The following DMD variants were observed in gnomAD, a reference collection of about 807,000 sequenced individuals.
The protein encoded by DMD is dystrophin, also known as mutant dystrophin.
DMD carries 63 observed loss-of-function variants against 330.1 expected under a neutral mutation model. The ratio of observed to expected loss-of-function variants is 0.19; its 90% CI spans 0.16 to 0.24. The LOEUF (loss-of-function observed/expected upper bound fraction) is 0.24. Ranked by LOEUF, DMD falls within the 10% of genes least tolerant of loss-of-function variation. The pLI is 1.00. For synonymous variants in DMD, 1,223 were observed against 959.8 expected, an observed-to-expected ratio of 1.27 and a Z score of -5.07; for missense variants, 3,344 against 2,684.1, an observed-to-expected ratio of 1.25 and a Z score of -5.43.
At chrX:32,328,500 G>A (rs5972532) in intron 41 of DMD, among the ~76,000 whole-genome samples, 1,847 of 110,960 alleles carry the variant, frequency 0.017, 43 homozygotes, top group African/African-American at 0.056. Context: ...AACTGTTATG[G>A]GGCCAGTACT....
intron 12 of DMD, among the ~76,000 whole-genome samples, chrX:32,611,686 T>C (rs1429528859): frequency 6.3e-5 from 7 of 111,624 alleles, no homozygotes; most frequent in African/African-American, 1.6e-4. Context: ...TACTTAGCTA[T>C]GCTAACATTC....
chrX:32,902,401 A>C (rs760858903), intron 2 of DMD, among the ~76,000 whole-genome samples: 1 of 111,194 alleles, frequency 9.0e-6, no homozygotes, highest in Non-Finnish European at 1.9e-5. Context: ...CAGTTTAATT[A>C]ACCAAATATA....
At chrX:32,103,286 G>C (rs1392225222) in intron 44 of DMD, among the ~76,000 whole-genome samples, 3 of 111,902 alleles carry the variant, frequency 2.7e-5, no homozygotes, top group Non-Finnish European at 5.6e-5. Context: ...GTGCTTCATT[G>C]CTGCCCCACA....
chrX:33,309,924 T>C (rs1159587297), intron 1 of DMD, among the ~76,000 whole-genome samples: 1 of 111,270 alleles, frequency 9.0e-6, no homozygotes, highest in Non-Finnish European at 1.9e-5. Context: ...ATTTGGAGTA[T>C]TGATTTATTT....
intron 7 of DMD, among the ~76,000 whole-genome samples, chrX:32,808,572 C>T (rs1196175310): frequency 9.2e-6 from 1 of 108,308 alleles, no homozygotes; most frequent in African/African-American, 3.6e-5. Flanking sequence ...AGGCTGTCTT[C>T]TGGGTCATTT....
chrX:32,241,347 C>A (rs2097207877), intron 43 of DMD, among the ~76,000 whole-genome samples: 1 of 112,514 alleles, frequency 8.9e-6, no homozygotes, highest in African/African-American at 3.2e-5. Flanking sequence ...AGCAAGAGAA[C>A]AGATGCAACA....
chrX:31,531,070 T>C (rs1414569747), intron 55 of DMD, among the ~76,000 whole-genome samples: 1 of 82,568 alleles, frequency 1.2e-5, no homozygotes, highest in African/African-American at 5.2e-5. Flanking sequence ...TAATCCAGTC[T>C]ATCATTGTTG....
chrX:31,672,993 C>T (rs1384585098), intron 53 of DMD, among the ~76,000 whole-genome samples: 2 of 112,472 alleles, frequency 1.8e-5, no homozygotes, highest in Non-Finnish European at 3.7e-5. Context: ...AGAAAGTTAT[C>T]TCTAAGTCGG....
chrX:33,118,266 A>T (rs1467046659), intron 1 of DMD, among the ~76,000 whole-genome samples: 1 of 107,430 alleles, frequency 9.3e-6, no homozygotes, highest in Non-Finnish European at 1.9e-5. Context: ...GCCCGCTACC[A>T]CGCCCGGCTA....
At chrX:32,491,559 C>A in intron 19 of DMD, 41 bp from the exon 20 acceptor site, 1 of 1,167,113 alleles carries the variant, frequency 8.6e-7, no homozygotes, top group Non-Finnish European at 1.2e-6. Context: ...CCTGAACCCA[C>A]AGACTGAAAG....
intron 2 of DMD, among the ~76,000 whole-genome samples, chrX:32,862,697 C>T (rs1227554413): frequency 1.8e-5 from 2 of 111,530 alleles, no homozygotes; most frequent in Admixed American, 9.5e-5. Context: ...ATACTAATTA[C>T]ACCACCTTTA....
intron 1 of DMD, among the ~76,000 whole-genome samples, chrX:33,217,105 T>A (rs750199553): frequency 9.0e-6 from 1 of 111,629 alleles, no homozygotes; most frequent in African/African-American, 3.2e-5. Context: ...TCATTATGGA[T>A]CATTTCTACT....
intron 7 of DMD, among the ~76,000 whole-genome samples, chrX:32,730,054 C>G (rs553506950): frequency 8.9e-6 from 1 of 111,920 alleles, no homozygotes; most frequent in African/African-American, 3.3e-5. Flanking sequence ...TAACGTGGGC[C>G]AGGCACAATG....
intron 52 of DMD, among the ~76,000 whole-genome samples, chrX:31,681,985 G>A (rs767803656): frequency 8.0e-5 from 9 of 111,860 alleles, no homozygotes; most frequent in African/African-American, 2.9e-4. Context: ...GGAGGCTGAG[G>A]CAGGAGAATC....
At chrX:31,467,880 T>TG (rs1258562798) in intron 59 of DMD, among the ~76,000 whole-genome samples, 1 of 111,965 alleles carries the variant, frequency 8.9e-6, no homozygotes, top group Non-Finnish European at 1.9e-5. Flanking sequence ...GATTTCTTCC[T>TG]GGTTTAGTCT....
At chrX:32,593,126 C>A (rs2055121628) in intron 13 of DMD, among the ~76,000 whole-genome samples, 1 of 112,756 alleles carries the variant, frequency 8.9e-6, no homozygotes, top group African/African-American at 3.2e-5. Context: ...GTGCAAGGAG[C>A]CCAGCGGGCA....
At chrX:31,539,101 G>C (rs928002660) in intron 55 of DMD, among the ~76,000 whole-genome samples, 7 of 111,787 alleles carry the variant, frequency 6.3e-5, no homozygotes, top group Admixed American at 1.9e-4. Context: ...TGACAAAGAG[G>C]TTTTACCTAT....
chrX:32,654,299 G>A (rs1053552892), intron 9 of DMD, among the ~76,000 whole-genome samples: 1 of 111,480 alleles, frequency 9.0e-6, no homozygotes, highest in Non-Finnish European at 1.9e-5. Context: ...GTCATACATA[G>A]CTCTTATTAT....
At chrX:31,375,296 T>G (rs945360551) in intron 60 of DMD, among the ~76,000 whole-genome samples, 3 of 111,978 alleles carry the variant, frequency 2.7e-5, no homozygotes, top group Non-Finnish European at 3.8e-5. Flanking sequence ...TAATTGCAAC[T>G]GCATGGTGAA....
Sources: allele counts gnomAD v4.1 joint callset (sites outside exome capture counted in the v4.1 genomes callset), GRCh38; gene constraint gnomAD v4.1.1; transcripts MANE v1.5; gene names NCBI Gene and HGNC (gene_info 2026-07-23, HGNC 2026-07-21).